Variants in ALG13 observed in about 807,000 individuals in gnomAD.
ALG13 encodes UDP-N-acetylglucosamine transferase subunit ALG13.
Under a neutral mutation model 87.8 loss-of-function variants are expected in ALG13, and 11 were observed. The observed-to-expected ratio is 0.13, with a 90% CI of 0.08 to 0.21. ALG13 has a LOEUF of 0.21. Ranked by LOEUF, ALG13 falls within the 10% of genes least tolerant of loss-of-function variation. The pLI is 1.00. For missense variants in ALG13, 756 were observed against 866.1 expected (o/e 0.87, Z 1.60); for synonymous variants, 320 against 306.3 (o/e 1.04, Z -0.47).
rs377097716 is a variant in ALG13 at position 111,744,698 on chromosome X, C to A, written c.2726C>A (p.Ser909Tyr). 2.1e-5 allele frequency: 25 copies of A among 1,179,397 alleles called. No homozygotes were observed. The highest frequency in any genetic ancestry group is 2.8e-5 in the Non-Finnish European group (25 of 882,329). ...VIASPSYPCH[S>Y]AIPHAGASLP... ...GCCTCACCATCCTATCCATGCCATT[C>A]TGCTATTCCTCATGCTGGTGCCTCT... The change falls in exon 24 of 27, where the codon TCT becomes TAT. Residue 909 changes from serine (S) to tyrosine (Y), a missense_variant. By Grantham distance (144) the Ser-to-Tyr change is moderately radical (BLOSUM62 -2). This residue lies in a region of ALG13 where 362 missense variants were observed against 383.5 expected (regional missense o/e 0.94). Coordinates refer to ENST00000394780, the MANE Select transcript of ALG13 (RefSeq NM_001099922.3).
intron 3 of ALG13, 160 bp downstream of exon 3, chrX:111,685,263 C>T: frequency 3.6e-6 from 2 of 559,996 alleles, no homozygotes; most frequent in South Asian, 6.5e-5. Context: ...ATTTGTTTGT[C>T]TCCCATTTTG....
Position 111,682,105 on chromosome X carries a change from C to A in ALG13, c.82-27C>A, listed in dbSNP as rs141162495. 1.9e-4 allele frequency: 212 copies of A among 1,145,255 alleles called. No homozygotes were observed. The East Asian group carries it at 5.5e-3, about 29-fold the overall frequency. 94.4% of individuals were successfully genotyped at this position (1,145,255 alleles called of 1,213,427 possible). A position where few individuals can be genotyped will look rare whatever the true frequency, so the allele number is the denominator to read the frequency against. On this transcript the variant is annotated intron_variant, in intron 1 of 26. Coordinates refer to ENST00000394780, the MANE Select transcript of ALG13 (RefSeq NM_001099922.3). ...TGTTTTACATAGCCAGTTTAAAAGG[C>A]CCTCACATTCTGATTTCCTCTTTCA...
At chrX:111,715,577 G>C (rs1393425492) in intron 8 of ALG13, among the ~76,000 whole-genome samples, 1 of 111,789 alleles carries the variant, frequency 8.9e-6, no homozygotes, top group Non-Finnish European at 1.9e-5. Context: ...AATTAGCTGG[G>C]TGTGGTGGCG....
intron 22 of ALG13, 125 bp from the exon 23 acceptor site, chrX:111,736,589 A>G (rs1602823183): frequency 1.6e-6 from 1 of 629,855 alleles, no homozygotes; most frequent in Non-Finnish European, 2.4e-6. Flanking sequence ...TAAGGTTTAC[A>G]TAAAGATTGA....
intron 3 of ALG13, 146 bp from the exon 4 acceptor site, chrX:111,707,881 A>C: frequency 1.5e-6 from 1 of 658,965 alleles, no homozygotes; most frequent in Non-Finnish European, 2.2e-6. Flanking sequence ...ACTTTTCTCA[A>C]CCTTGGTCTG....
At chrX:111,700,202 A>G (rs191066076) in intron 3 of ALG13, among the ~76,000 whole-genome samples, 18 of 111,006 alleles carry the variant, frequency 1.6e-4, no homozygotes, top group African/African-American at 4.3e-4. Context: ...TAGAAACACT[A>G]CTGATTTTTT....
At chrX:111,746,838 C>T (rs988576018) in intron 24 of ALG13, among the ~76,000 whole-genome samples, 3 of 111,860 alleles carry the variant, frequency 2.7e-5, no homozygotes, top group African/African-American at 9.7e-5. Context: ...TGCTCACCAA[C>T]GTTTATTGTC....
chrX:111,754,637 CAAT>C (rs1945069565), intron 25 of ALG13, among the ~76,000 whole-genome samples: 1 of 111,328 alleles, frequency 9.0e-6, no homozygotes, highest in South Asian at 3.8e-4. Context: ...GTCTATACAC[CAAT>C]AATAGCCAAA....
intron 13 of ALG13, among the ~76,000 whole-genome samples, chrX:111,723,382 C>G (rs1292871688): frequency 9.1e-6 from 1 of 109,951 alleles, no homozygotes; most frequent in Non-Finnish European, 1.9e-5. Flanking sequence ...TCGTGATCCA[C>G]CCATCTCAGC....
intron 3 of ALG13, among the ~76,000 whole-genome samples, chrX:111,691,428 G>C (rs993433462): frequency 1.8e-5 from 2 of 111,680 alleles, no homozygotes; most frequent in African/African-American, 3.3e-5. Flanking sequence ...TTGGGGAGTG[G>C]GGAGTGAAAA....
intron 1 of ALG13, 190 bp from the exon 2 acceptor site, chrX:111,681,942 G>A (rs1430270303): frequency 1.1e-6 from 1 of 879,053 alleles, no homozygotes; most frequent in African/African-American, 2.2e-5. Context: ...AGATTCATGA[G>A]TGCTTGGGAG....
intron 21 of ALG13, among the ~76,000 whole-genome samples, chrX:111,732,376 A>G (rs1023210952): frequency 8.9e-6 from 1 of 112,230 alleles, no homozygotes; most frequent in Non-Finnish European, 1.9e-5. Flanking sequence ...TCAGTGGCTT[A>G]ACTCAGGAAA....
chrX:111,717,537 G>GT (rs1350929137), intron 8 of ALG13, among the ~76,000 whole-genome samples: 3 of 92,698 alleles, frequency 3.2e-5, no homozygotes, highest in Non-Finnish European at 6.5e-5. Context: ...ATTTCTAAGT[G>GT]TTCCTTTTTT....
chrX:111,681,443 T>C (rs1356860309), intron 1 of ALG13, 144 bp downstream of exon 1: 1 of 1,120,151 alleles, frequency 8.9e-7, no homozygotes, highest in Admixed American at 3.0e-5. Context: ...GCCCCTTAGC[T>C]GGCTTCTGCC....
In ALG13 at chrX:111,708,894, C is replaced by T. The variant is rs185326240; in HGVS notation, c.751-71C>T. 7.5e-3 allele frequency: 5,118 copies of T among 681,636 alleles called. 27 individuals carry two copies. The highest frequency in any genetic ancestry group is 9.8e-3 in the Non-Finnish European group (4,414 of 451,507). 56.2% of individuals were successfully genotyped at this position (681,636 alleles called of 1,213,427 possible). On this transcript the variant is annotated intron_variant, in intron 4 of 26. Coordinates refer to ENST00000394780, the MANE Select transcript of ALG13 (RefSeq NM_001099922.3). ...ATAAGGAAGCCTTAAGTGTCCAGTTCATAGTCTTGATTTAGAAGTGCCTAT... is the reference window on the plus strand; with the variant it reads ...ATAAGGAAGCCTTAAGTGTCCAGTTTATAGTCTTGATTTAGAAGTGCCTAT...
chrX:111,755,469 AAAAG>A (rs1945154345), intron 25 of ALG13, among the ~76,000 whole-genome samples: 1 of 112,463 alleles, frequency 8.9e-6, no homozygotes, highest in African/African-American at 3.2e-5. Flanking sequence ...TCTGCACAGA[AAAAG>A]AACCTATCAG....
Position 111,718,093 on chromosome X carries a change from T to C in ALG13, c.1088-19T>C. The C allele has an allele frequency of 2.6e-6, 3 of 1,149,467 alleles. No individual in the cohort carries two copies. Among genetic ancestry groups the C allele is most frequent in the Non-Finnish European group, 3.5e-6 (3 of 860,623 alleles). 94.7% of individuals were successfully genotyped at this position (1,149,467 alleles called of 1,213,427 possible). A position where few individuals can be genotyped will look rare whatever the true frequency, so the allele number is the denominator to read the frequency against. On this transcript the variant is annotated intron_variant, in intron 9 of 26. Transcript: ENST00000394780. Reference sequence around the variant, plus strand: ...AAATCTTATTTTGACAATTGGAATTTTGACCATTTTTTCTTCAGCTGTATT... The same window carrying C: ...AAATCTTATTTTGACAATTGGAATTCTGACCATTTTTTCTTCAGCTGTATT...
chrX:111,693,272 T>G (rs1319305651), intron 3 of ALG13, among the ~76,000 whole-genome samples: 1 of 106,607 alleles, frequency 9.4e-6, no homozygotes, highest in Admixed American at 1.0e-4. Flanking sequence ...TTTTTTTTTT[T>G]TTAACGGAGT....
At chrX:111,714,684 A>G (rs1363474743) in intron 8 of ALG13, among the ~76,000 whole-genome samples, 3 of 111,945 alleles carry the variant, frequency 2.7e-5, no homozygotes, top group Non-Finnish European at 5.6e-5. Context: ...GTGAGCATCC[A>G]TATACCTACC....
Sources: gnomAD v4.1 joint callset for allele counts (sites outside exome capture counted in the v4.1 genomes callset) on GRCh38, gnomAD v4.1.1 for gene constraint, gnomAD v4.1.1 regional missense constraint, MANE v1.5 for transcripts, NCBI Gene and HGNC (gene_info 2026-07-23, HGNC 2026-07-21) for gene names.